ACOXL: variants seen among roughly 807,000 people sequenced by gnomAD.
ACOXL encodes acyl-coenzyme A oxidase-like protein.
A neutral mutation model predicts 71.9 loss-of-function variants in ACOXL; 70 were observed. That is an observed-to-expected ratio of 0.97 (90% confidence interval 0.80 to 1.19). The LOEUF (loss-of-function observed/expected upper bound fraction) is 1.19. Ranked by LOEUF, ACOXL falls within the 50% of genes most tolerant of loss-of-function variation. ACOXL has a pLI of 0.00. For synonymous variants in ACOXL, 253 were observed against 281.6 expected, an observed-to-expected ratio of 0.90 and a Z score of 1.02; for missense variants, 703 against 736.3, an observed-to-expected ratio of 0.95 and a Z score of 0.52.
rs150668259 is a variant in ACOXL, at chr2:110,889,752, C to T, written c.789-19037C>T. 3.2e-4 allele frequency among the ~76,000 whole-genome samples: 49 copies of T among 152,296 alleles called. No homozygotes were observed. In the East Asian group the frequency reaches 9.3e-3, roughly 29 times the overall value. On this transcript the variant is annotated intron_variant, in intron 10 of 17. Transcript: ENST00000439055. Reference sequence around the variant, plus strand: ...ATTAACCCATTCATCAACTGATGGACATTGGGTTGCTTCCACTTTTTGGCT... The same window carrying T: ...ATTAACCCATTCATCAACTGATGGATATTGGGTTGCTTCCACTTTTTGGCT...
chr2:111,030,757 G>C (rs13024859), intron 14 of ACOXL, among the ~76,000 whole-genome samples: 1,635 of 151,598 alleles, frequency 0.011, 11 homozygotes, highest in Middle Eastern at 0.021. Flanking sequence ...AAAAGTTTAA[G>C]TATTAAACCC....
intron 16 of ACOXL, among the ~76,000 whole-genome samples, chr2:111,089,307 A>C (rs2068396338): frequency 6.8e-6 from 1 of 146,928 alleles, no homozygotes; most frequent in African/African-American, 2.4e-5. Flanking sequence ...AAAAACAAAC[A>C]AACAAACAAA....
chr2:110,908,231 T>C (rs919193178), intron 10 of ACOXL, among the ~76,000 whole-genome samples: 3 of 152,158 alleles, frequency 2.0e-5, no homozygotes, highest in African/African-American at 7.2e-5. Context: ...AGCCTCAGAG[T>C]GCAACGCAGA....
In ACOXL at chr2:111,061,676, T is replaced by C. The variant is rs148161039; in HGVS notation, c.1440+12388T>C. Among the ~76,000 whole-genome samples, 332 of 152,214 alleles carry C rather than the reference T, an allele frequency of 2.2e-3. 2 individuals carry two copies. Among genetic ancestry groups the C allele is most frequent in the African/African-American group, 7.7e-3 (321 of 41,534 alleles). On this transcript the variant is annotated intron_variant, in intron 16 of 17. Coordinates refer to ENST00000439055, the MANE Select transcript of ACOXL (RefSeq NM_001142807.4). ...ATTATAACACTGATGTGATTCTAAATAGATGTAGAGAAAACATTTTAGACT... is the reference window on the plus strand; with the variant it reads ...ATTATAACACTGATGTGATTCTAAACAGATGTAGAGAAAACATTTTAGACT...
intron 12 of ACOXL, among the ~76,000 whole-genome samples, chr2:110,944,222 T>C (rs1248735344): frequency 1.3e-5 from 2 of 152,082 alleles, no homozygotes; most frequent in East Asian, 3.9e-4. Flanking sequence ...ACCCAGCTAA[T>C]TTTTGTATTT....
At chr2:111,031,100 C>G (rs1456532069) in intron 14 of ACOXL, among the ~76,000 whole-genome samples, 1 of 152,234 alleles carries the variant, frequency 6.6e-6, no homozygotes, top group Non-Finnish European at 1.5e-5. Flanking sequence ...ATCCCCATCA[C>G]TCTGGATCCT....
chr2:110,838,198 C>T (rs1690689923), intron 9 of ACOXL, among the ~76,000 whole-genome samples: 2 of 152,174 alleles, frequency 1.3e-5, no homozygotes, highest in Non-Finnish European at 2.9e-5. Flanking sequence ...TGTGAATAAA[C>T]ACATGCACAC....
chr2:110,966,739 C>A (rs2061946519), intron 12 of ACOXL, among the ~76,000 whole-genome samples: 1 of 152,210 alleles, frequency 6.6e-6, no homozygotes, highest in Admixed American at 6.5e-5. Flanking sequence ...CAATGAGGCA[C>A]AATGAGGTGG....
intron 10 of ACOXL, among the ~76,000 whole-genome samples, chr2:110,878,308 A>ATT (rs1481479186): frequency 2.6e-5 from 4 of 152,248 alleles, no homozygotes; most frequent in Non-Finnish European, 5.9e-5. Context: ...GATTAAATAG[A>ATT]TTAGACACAA....
chr2:110,886,380 C>CTTTTTTTTTTTT (rs751607372), intron 10 of ACOXL, among the ~76,000 whole-genome samples: 3 of 131,460 alleles, frequency 2.3e-5, no homozygotes, highest in African/African-American at 2.8e-5. Flanking sequence ...CCTTCTTTTT[C>CTTTTTTTTTTTT]TTTTTTTTTT....
intron 12 of ACOXL, among the ~76,000 whole-genome samples, chr2:110,985,512 C>T (rs2062891987): frequency 1.3e-5 from 2 of 152,062 alleles, no homozygotes; most frequent in African/African-American, 4.8e-5. Context: ...TAAACATGAT[C>T]ACAGCAAGAC....
At chr2:110,800,920 A>G (rs890758722) in intron 7 of ACOXL, among the ~76,000 whole-genome samples, 1 of 152,246 alleles carries the variant, frequency 6.6e-6, no homozygotes, top group African/African-American at 2.4e-5. Context: ...TGGCAATGGC[A>G]GAAAGTCTGC....
chr2:110,739,970 T>A (rs1182451481), intron 1 of ACOXL, among the ~76,000 whole-genome samples: 1 of 152,238 alleles, frequency 6.6e-6, no homozygotes, highest in East Asian at 1.9e-4. Flanking sequence ...TGTTCTGATA[T>A]CCAGAACTTG....
intron 5 of ACOXL, among the ~76,000 whole-genome samples, chr2:110,795,155 C>T (rs557172117): frequency 1.2e-4 from 18 of 152,276 alleles, no homozygotes; most frequent in South Asian, 4.1e-4. Context: ...TGCTCTGCTT[C>T]GTCTATTCTT....
At chr2:110,757,240 G>A (rs1384582019) in intron 1 of ACOXL, among the ~76,000 whole-genome samples, 2 of 152,048 alleles carry the variant, frequency 1.3e-5, no homozygotes, top group Admixed American at 1.3e-4. Flanking sequence ...GCATTCCTTT[G>A]TATGTCTGCA....
At chr2:110,772,147 G>T (rs1682027651) in intron 2 of ACOXL, among the ~76,000 whole-genome samples, 1 of 152,176 alleles carries the variant, frequency 6.6e-6, no homozygotes, top group African/African-American at 2.4e-5. Flanking sequence ...TGAGTAATTG[G>T]CCTGAGGTTA....
At chr2:110,767,969 CACACACACACAA>C (rs1446491001) in intron 1 of ACOXL, among the ~76,000 whole-genome samples, 2 of 144,420 alleles carry the variant, frequency 1.4e-5, no homozygotes, top group Non-Finnish European at 3.1e-5. Flanking sequence ...CACACACACA[CACACACACACAA>C]ATTAGCTGGG....
rs111595938 is a variant in ACOXL at position 111,041,758 on chromosome 2, A to G, written c.1370-7460A>G. On this transcript the variant is annotated intron_variant, in intron 15 of 17. Transcript: ENST00000439055. The stretch of plus-strand genomic sequence containing the variant: ...CACACAGGGAGTCCGTGGGCTCCAG[A>G]AGGGGTCCAGATGAGCTGTGCCGTC... 4.1e-3 allele frequency among the ~76,000 whole-genome samples: 629 copies of G among 152,322 alleles called. 10 individuals are homozygous for G. The highest frequency in any genetic ancestry group is 0.014 in the African/African-American group (593 of 41,578).
intron 1 of ACOXL, among the ~76,000 whole-genome samples, chr2:110,738,361 T>C (rs1488856185): frequency 6.6e-6 from 1 of 152,180 alleles, no homozygotes; most frequent in Non-Finnish European, 1.5e-5. Context: ...ACCAAAACAG[T>C]CTCTTATCTA....
Sources: allele counts gnomAD v4.1 joint callset (sites outside exome capture counted in the v4.1 genomes callset), GRCh38; gene constraint gnomAD v4.1.1; transcripts MANE v1.5; gene names NCBI Gene and HGNC (gene_info 2026-07-23, HGNC 2026-07-21).